Variants in PTPRN2 observed in about 807,000 individuals in gnomAD.
PTPRN2 encodes receptor-type tyrosine-protein phosphatase N2.
In PTPRN2, 74 loss-of-function variants were observed where a neutral mutation model predicts 118.8. The ratio of observed to expected loss-of-function variants is 0.62; its 90% CI spans 0.52 to 0.76. The LOEUF is 0.76. Among genes scored for constraint, PTPRN2 ranks in the 30% least tolerant of loss-of-function variants. The pLI is 0.00. For synonymous variants in PTPRN2, 641 were observed against 608.0 expected (o/e 1.05, Z -0.80); for missense variants, 1,481 against 1,394.4 (o/e 1.06, Z -0.99).
intron 1 of PTPRN2, chr7:158,532,869 G>T: frequency 1.9e-6 from 1 of 521,602 alleles, no homozygotes. Flanking sequence ...ACTCTGACGC[G>T]CAGACCATCT....
chr7:157,558,900 C>G (rs2150487324), intron 21 of PTPRN2, among the ~76,000 whole-genome samples: 1 of 152,338 alleles, frequency 6.6e-6, no homozygotes, highest in South Asian at 2.1e-4. Context: ...GCTTACAGTG[C>G]AAACACAGAG....
intron 12 of PTPRN2, among the ~76,000 whole-genome samples, chr7:157,883,940 C>A (rs554441268): frequency 1.3e-5 from 2 of 151,612 alleles, no homozygotes; most frequent in South Asian, 2.1e-4. Flanking sequence ...CTGTTGGAGA[C>A]CAGAACACGC....
chr7:158,072,596 G>C (rs75431269), intron 11 of PTPRN2, among the ~76,000 whole-genome samples: 2,276 of 152,224 alleles, frequency 0.015, 32 homozygotes, highest in East Asian at 0.077. Flanking sequence ...GGCAGCTCTC[G>C]GACTTCACTG....
rs1362401585 is a variant in PTPRN2 at position 158,534,166 on chromosome 7, C to T, written c.113-44381G>A. Among the ~76,000 whole-genome samples the T allele has an allele frequency of 1.6e-4, 14 of 88,388 alleles. 1 individual carries two copies. Among genetic ancestry groups the T allele is most frequent in the Admixed American group, 3.7e-4 (3 of 8,002 alleles). The allele number at this position is 88,388 out of a possible 152,430, so 58.0% of individuals were successfully genotyped here. A position where few individuals can be genotyped will look rare whatever the true frequency, so the allele number is the denominator to read the frequency against. On this transcript the variant is annotated intron_variant, in intron 1 of 22. Coordinates refer to ENST00000389418, the MANE Select transcript of PTPRN2 (RefSeq NM_002847.5). Reference sequence around the variant, plus strand: ...GTGCAGGTTGTGACCACCCACACCCCGGGCTCCGTCAGGGATGGCTGTGGG... The same window carrying T: ...GTGCAGGTTGTGACCACCCACACCCTGGGCTCCGTCAGGGATGGCTGTGGG...
chr7:158,307,119 G>A (rs995303778), intron 3 of PTPRN2, among the ~76,000 whole-genome samples: 13 of 151,922 alleles, frequency 8.6e-5, no homozygotes, highest in Admixed American at 6.6e-5. Context: ...CACCCGCCTC[G>A]GCCTCCCAAA....
intron 2 of PTPRN2, among the ~76,000 whole-genome samples, chr7:158,342,333 A>G (rs1187464423): frequency 7.1e-6 from 1 of 141,512 alleles, no homozygotes; most frequent in Admixed American, 7.1e-5. Flanking sequence ...TCACCATAAG[A>G]GCTGACACCT....
At chr7:158,485,025 C>T (rs1430407445) in intron 2 of PTPRN2, among the ~76,000 whole-genome samples, 2 of 152,166 alleles carry the variant, frequency 1.3e-5, no homozygotes, top group Middle Eastern at 6.3e-3. Context: ...TGGCCCCGGC[C>T]GCCAGCGTCC....
chr7:158,395,362 G>A (rs1337451323), intron 2 of PTPRN2, among the ~76,000 whole-genome samples: 1 of 2,900 alleles, frequency 3.4e-4, no homozygotes, highest in East Asian at 0.01. Flanking sequence ...GGCCAGGGGC[G>A]AGGGGCGAGG....
intron 3 of PTPRN2, among the ~76,000 whole-genome samples, chr7:158,314,950 A>G (rs111551489): frequency 1.6e-3 from 144 of 88,018 alleles, no homozygotes; most frequent in South Asian, 2.9e-3. Flanking sequence ...GGGACCCCCT[A>G]AAGGACAGAG....
chr7:157,896,332 G>A (rs1007567538), intron 12 of PTPRN2, among the ~76,000 whole-genome samples: 1 of 152,190 alleles, frequency 6.6e-6, no homozygotes, highest in African/African-American at 2.4e-5. Flanking sequence ...AGGACAGGAG[G>A]AGCTGGGAGG....
At chr7:157,901,354 T>C (rs891182714) in intron 11 of PTPRN2, among the ~76,000 whole-genome samples, 3 of 151,502 alleles carry the variant, frequency 2.0e-5, no homozygotes, top group African/African-American at 4.9e-5. Context: ...GAGTCACACA[T>C]GGGGACCGAA....
chr7:158,203,948 G>A (rs966361820), intron 4 of PTPRN2, among the ~76,000 whole-genome samples: 3 of 152,208 alleles, frequency 2.0e-5, no homozygotes, highest in Non-Finnish European at 4.4e-5. Context: ...TGCCCTCAGT[G>A]TGCGCCGCGT....
intron 20 of PTPRN2, among the ~76,000 whole-genome samples, chr7:157,571,116 G>A (rs540323112): frequency 5.3e-5 from 8 of 151,856 alleles, no homozygotes; most frequent in South Asian, 2.1e-4. Context: ...GCGTGGTGGC[G>A]GGCGCAATCG....
intron 9 of PTPRN2, among the ~76,000 whole-genome samples, chr7:158,125,273 G>A (rs1398918840): frequency 6.7e-6 from 1 of 149,776 alleles, no homozygotes; most frequent in African/African-American, 2.5e-5. Context: ...CCTGCCTCAA[G>A]TCCCTCCCAC....
At chr7:157,687,419 G>T (rs1428980151) in intron 12 of PTPRN2, among the ~76,000 whole-genome samples, 1 of 152,164 alleles carries the variant, frequency 6.6e-6, no homozygotes, top group African/African-American at 2.4e-5. Flanking sequence ...GAGTCACGAT[G>T]TGCAGTATTA....
At chr7:158,388,953 G>A (rs764924004) in intron 2 of PTPRN2, among the ~76,000 whole-genome samples, 23 of 152,196 alleles carry the variant, frequency 1.5e-4, no homozygotes, top group Admixed American at 4.6e-4. Context: ...AGCTGTGATC[G>A]ATCTGAAGGA....
intron 11 of PTPRN2, among the ~76,000 whole-genome samples, chr7:157,910,164 G>A (rs1003345537): frequency 5.9e-5 from 9 of 152,238 alleles, no homozygotes; most frequent in Non-Finnish European, 1.0e-4. Flanking sequence ...CCATGAGCAC[G>A]GGTGCAGGAT....
chr7:158,484,392 T>C (rs1302093434), intron 2 of PTPRN2, among the ~76,000 whole-genome samples: 4 of 152,208 alleles, frequency 2.6e-5, no homozygotes, highest in African/African-American at 9.6e-5. Context: ...AGACAGAGTC[T>C]CACTCTGTTG....
chr7:157,883,855 A>C (rs1429055311), intron 12 of PTPRN2, among the ~76,000 whole-genome samples: 1 of 151,584 alleles, frequency 6.6e-6, no homozygotes, highest in Non-Finnish European at 1.5e-5. Context: ...CATCACCCCA[A>C]AAACGACTGT....
Sources: allele counts gnomAD v4.1 joint callset (sites outside exome capture counted in the v4.1 genomes callset), GRCh38; gene constraint gnomAD v4.1.1; transcripts MANE v1.5; gene names NCBI Gene and HGNC (gene_info 2026-07-23, HGNC 2026-07-21).